The following BHMT variants were observed in gnomAD, a reference collection of about 807,000 sequenced individuals.
BHMT encodes the protein betaine--homocysteine S-methyltransferase 1.
A neutral mutation model predicts 49.5 loss-of-function variants in BHMT; 38 were observed. The ratio of observed to expected loss-of-function variants is 0.77; its 90% CI spans 0.59 to 1.01. The LOEUF (loss-of-function observed/expected upper bound fraction) is 1.01. Ranked by LOEUF, BHMT falls within the 50% of genes least tolerant of loss-of-function variation. BHMT has a pLI of 0.00. For synonymous variants in BHMT, 166 were observed against 176.3 expected (o/e 0.94, Z 0.46); for missense variants, 426 against 495.7 (o/e 0.86, Z 1.34).
intron 5 of BHMT, among the ~76,000 whole-genome samples, chr5:79,122,177 G>A (rs1194008215): frequency 1.3e-5 from 2 of 151,972 alleles, no homozygotes; most frequent in African/African-American, 4.8e-5. Context: ...TCCTGACCTC[G>A]TGATCCACCC....
chr5:79,119,127 C>A, intron 2 of BHMT, 132 bp from the exon 3 acceptor site: 2 of 695,808 alleles, frequency 2.9e-6, no homozygotes, highest in Non-Finnish European at 2.4e-6. Context: ...CTCTCATCTA[C>A]CCCTAAGATG....
At chr5:79,125,604 A>G (rs1385372974) in intron 5 of BHMT, among the ~76,000 whole-genome samples, 5 of 152,114 alleles carry the variant, frequency 3.3e-5, no homozygotes, top group Non-Finnish European at 7.4e-5. Context: ...GTTTGTGGGG[A>G]ATGAGGACCT....
chr5:79,112,094 C>G (rs1366878840), intron 1 of BHMT, among the ~76,000 whole-genome samples, 176 bp downstream of exon 1: 1 of 152,124 alleles, frequency 6.6e-6, no homozygotes, highest in Non-Finnish European at 1.5e-5. Flanking sequence ...CAGCAGGACC[C>G]CAAGGCGCCT....
At chr5:79,128,412 C>T (rs1756586861) in intron 7 of BHMT, among the ~76,000 whole-genome samples, 1 of 149,738 alleles carries the variant, frequency 6.7e-6, no homozygotes, top group South Asian at 2.1e-4. Flanking sequence ...TGCCTGTAAT[C>T]ACAGCTACTT....
chr5:79,131,287 GTT>G lies in BHMT; in HGVS notation c.*174_*175del. 1.4e-6 allele frequency: 1 copy of G among 695,188 alleles called. No individual in the cohort carries two copies. Among genetic ancestry groups the G allele is most frequent in the Non-Finnish European group, 2.2e-6 (1 of 459,622 alleles). 43.1% of individuals were successfully genotyped at this position (695,188 alleles called of 1,614,324 possible). ...ATAGCACTTGATAATTTTAAAGTAT[GTT>G]TTAGAAATTTTCTTAGGAGCAAAAT... On this transcript the variant is annotated 3_prime_UTR_variant, in exon 8 of 8. Transcript: ENST00000274353.
intron 5 of BHMT, among the ~76,000 whole-genome samples, chr5:79,125,281 C>A (rs1756533744): frequency 6.6e-6 from 1 of 151,730 alleles, no homozygotes; most frequent in Non-Finnish European, 1.5e-5. Context: ...CATGGTGAAA[C>A]CCTGTCTCCA....
rs199851968 is a variant in BHMT at position 79,127,721 on chromosome 5, A to G, written c.809-34A>G. The stretch of plus-strand genomic sequence containing the variant: ...TCTTGAATTTTTATGAAAAGAATGT[A>G]TAATGCCTAATGGCATAATGCCACT... On this transcript the variant is annotated intron_variant, in intron 6 of 7. Coordinates refer to ENST00000274353, the MANE Select transcript of BHMT (RefSeq NM_001713.3). 75 of 1,605,902 alleles carry G rather than the reference A, an allele frequency of 4.7e-5. 1 individual carries two copies. The Middle Eastern group carries it at 3.8e-3, about 82-fold the overall frequency.
chr5:79,125,804 G>C (rs963163919), intron 5 of BHMT, among the ~76,000 whole-genome samples: 1 of 152,030 alleles, frequency 6.6e-6, no homozygotes, highest in African/African-American at 2.4e-5. Flanking sequence ...TTAGCCAGAC[G>C]TGGTGGCACA....
rs1296459705 is a variant in BHMT, at chr5:79,119,384, A to G, written c.285+7A>G. On this transcript the variant is annotated splice_region_variant and intron_variant, in intron 3 of 7. Transcript: ENST00000274353. ...TGTCTTAGAGAAGATATCTGTGAGT[A>G]AAACCAGCCGTGGGACTTTTAGAAG... The G allele has an allele frequency of 4.4e-6, 7 of 1,597,570 alleles. No individual in the cohort carries two copies. Among genetic ancestry groups the G allele is most frequent in the Non-Finnish European group, 6.0e-6 (7 of 1,166,740 alleles).
chr5:79,122,293 T>A (rs1044541910), intron 5 of BHMT, among the ~76,000 whole-genome samples: 2 of 152,168 alleles, frequency 1.3e-5, no homozygotes, highest in African/African-American at 4.8e-5. Flanking sequence ...TATGTTCACA[T>A]ATATTCCTAG....
intron 7 of BHMT, among the ~76,000 whole-genome samples, chr5:79,129,365 C>A (rs558133): frequency 0.67 from 101,427 of 152,088 alleles, 34,377 homozygotes; most frequent in South Asian, 0.82. Flanking sequence ...TTGAATTCTG[C>A]GAGAGGAATT....
intron 1 of BHMT, among the ~76,000 whole-genome samples, chr5:79,114,331 A>G (rs925301612): frequency 1.3e-5 from 2 of 152,084 alleles, no homozygotes; most frequent in Non-Finnish European, 2.9e-5. Context: ...TCTGAAAGGT[A>G]TATTAGGGAA....
intron 7 of BHMT, among the ~76,000 whole-genome samples, chr5:79,128,365 A>AC (rs1756585457): frequency 1.3e-5 from 1 of 79,674 alleles, no homozygotes; most frequent in Non-Finnish European, 2.6e-5. Context: ...TACTAAAAAT[A>AC]CAAAAAAAAA....
rs1756432065 is a variant in BHMT, at chr5:79,119,352, G to A, written c.260G>A (p.Gly87Asp). Reference protein sequence around the residue: ...YASEDKLENRGNYVLEKISGQ... With the variant: ...YASEDKLENRDNYVLEKISGQ... ...AGTGAAGACAAGCTGGAGAACAGGG[G>A]CAACTATGTCTTAGAGAAGATATCT... Residue 87 changes from glycine (G) to aspartate (D), a missense_variant, in exon 3 of 8, where the codon GGC becomes GAC. Coordinates refer to ENST00000274353, the MANE Select transcript of BHMT (RefSeq NM_001713.3). The A allele has an allele frequency of 6.2e-7, 1 of 1,613,732 alleles. No homozygotes were observed. The highest frequency in any genetic ancestry group is 1.1e-5 in the South Asian group (1 of 91,048).
chr5:79,122,006 A>G lies in BHMT; in HGVS notation c.625+641A>G, dbSNP rs182160752. On this transcript the variant is annotated intron_variant, in intron 5 of 7. Coordinates refer to ENST00000274353, the MANE Select transcript of BHMT (RefSeq NM_001713.3). ...GCCCAGGCTGGAGTGCAATGGCGCA[A>G]TCTTGGCTCACTGCAATCTCCGCCT... 3.3e-3 allele frequency among the ~76,000 whole-genome samples: 493 copies of G among 151,328 alleles called. 3 individuals carry two copies. The highest frequency in any genetic ancestry group is 0.011 in the African/African-American group (470 of 41,294).
intron 5 of BHMT, among the ~76,000 whole-genome samples, chr5:79,121,952 T>C (rs72764958): frequency 0.29 from 44,547 of 151,736 alleles, 7,952 homozygotes; most frequent in South Asian, 0.44. Context: ...TTTGTTTTGT[T>C]TTTTGAGACG....
chr5:79,119,024 G>C (rs184354056), intron 2 of BHMT, among the ~76,000 whole-genome samples: 3 of 152,278 alleles, frequency 2.0e-5, no homozygotes, highest in Non-Finnish European at 1.5e-5. Context: ...CAATGAACAA[G>C]ATGAGCAAAT....
In BHMT at chr5:79,126,074, C is replaced by T; in HGVS notation, c.654C>T (p.His218=). Residue 218 remains histidine, a synonymous_variant, in exon 6 of 8, where the codon CAC becomes CAT. Coordinates refer to ENST00000274353, the MANE Select transcript of BHMT (RefSeq NM_001713.3). ...CATCCATCATTGGTGTGAACTGCCA[C>T]TTTGACCCCACCATTAGTTTAAAAA... is the stretch of plus-strand genomic sequence containing the variant. ...AGASIIGVNC[H]FDPTISLKTV... is the part of the protein sequence containing the mutation. 1 of 1,609,072 alleles carries T rather than the reference C, an allele frequency of 6.2e-7. No homozygotes were observed. Among genetic ancestry groups the T allele is most frequent in the Non-Finnish European group, 8.5e-7 (1 of 1,175,726 alleles).
chr5:79,130,882 A>G (rs61164195), intron 7 of BHMT, 51 bp from the exon 8 acceptor site: 2 of 1,457,614 alleles, frequency 1.4e-6, no homozygotes, highest in East Asian at 2.4e-5. Context: ...TATAAAGACC[A>G]AAGCTAGGGG....
Sources: allele counts gnomAD v4.1 joint callset (sites outside exome capture counted in the v4.1 genomes callset), GRCh38; gene constraint gnomAD v4.1.1; transcripts MANE v1.5; gene names NCBI Gene and HGNC (gene_info 2026-07-23, HGNC 2026-07-21).